The following GALNT18 variants were observed in gnomAD, a reference collection of about 807,000 sequenced individuals.
The protein encoded by GALNT18 is polypeptide N-acetylgalactosaminyltransferase 18.
GALNT18 carries 44 observed loss-of-function variants against 69.5 expected under a neutral mutation model. That is an observed-to-expected ratio of 0.63 (90% CI 0.50 to 0.81). GALNT18 has a LOEUF of 0.81. Among genes scored for constraint, GALNT18 ranks in the 40% least tolerant of loss-of-function variants. GALNT18 has a pLI of 0.00. For synonymous variants in GALNT18, 364 were observed against 318.2 expected, an observed-to-expected ratio of 1.14 and a Z score of -1.53; for missense variants, 715 against 810.0, an observed-to-expected ratio of 0.88 and a Z score of 1.42.
chr11:11,274,682 T>A (rs1295030216), intron 10 of GALNT18, among the ~76,000 whole-genome samples: 1 of 152,236 alleles, frequency 6.6e-6, no homozygotes. Context: ...GTATTTCTCC[T>A]AATGTTATTC....
rs116839664 is a variant in GALNT18 at position 11,430,138 on chromosome 11, A to G, written c.595+2483T>C. Among the ~76,000 whole-genome samples, 994 of 152,294 alleles carry G rather than the reference A, an allele frequency of 6.5e-3. 5 individuals are homozygous for G. The highest frequency in any genetic ancestry group is 0.02 in the African/African-American group (827 of 41,546). Reference sequence around the variant, plus strand: ...AGAGCAAGACCCTGTCTCAAAAAAAACCAAAATAAAAAAAAGAATGCTTTT... The same window carrying G: ...AGAGCAAGACCCTGTCTCAAAAAAAGCCAAAATAAAAAAAAGAATGCTTTT... On this transcript the variant is annotated intron_variant, in intron 3 of 10. Coordinates refer to ENST00000227756, the MANE Select transcript of GALNT18 (RefSeq NM_198516.3). This position sits in a 1 kb window ranked among gnomAD's most constrained non-coding sequence, Gnocchi z 4.9.
rs1485526013 is a variant in GALNT18 at position 11,463,100 on chromosome 11, C to T, written c.236-14164G>A. Among the ~76,000 whole-genome samples, 3 of 152,066 alleles carry T rather than the reference C, an allele frequency of 2.0e-5. No individual in the cohort carries two copies. Among genetic ancestry groups the T allele is most frequent in the Non-Finnish European group, 2.9e-5 (2 of 68,014 alleles). On this transcript the variant is annotated intron_variant, in intron 1 of 10. Transcript: ENST00000227756. This position sits in a 1 kb window ranked among gnomAD's most constrained non-coding sequence, Gnocchi z 4.2. ...GAGAGAGAGGATATCAATCACAAGA[C>T]CCTGGAACTATTAGTACAGTCTCCC...
At chr11:11,388,567 TTGCTGATTTCAGGC>T (rs1443186106) in intron 3 of GALNT18, among the ~76,000 whole-genome samples, 2 of 147,852 alleles carry the variant, frequency 1.4e-5, no homozygotes, top group Non-Finnish European at 3.0e-5. Flanking sequence ...GCTTCCACCA[TTGCTGATTTCAGGC>T]TACCAGCCTG....
Position 11,461,177 on chromosome 11 carries a change from C to T in GALNT18, c.236-12241G>A, listed in dbSNP as rs1331011474. ...TCTCCGTCAGAAAAATCCCACTCCA[C>T]TCCTGACGGGCTGGCACTGCTGGGT... is the stretch of plus-strand genomic sequence containing the variant. On this transcript the variant is annotated intron_variant, in intron 1 of 10. Coordinates refer to ENST00000227756, the MANE Select transcript of GALNT18 (RefSeq NM_198516.3). This position sits in a 1 kb window ranked among gnomAD's most constrained non-coding sequence, Gnocchi z 4.1. Among the ~76,000 whole-genome samples, 1 of 152,202 alleles carries T rather than the reference C, an allele frequency of 6.6e-6. No individual in the cohort carries two copies. The highest frequency in any genetic ancestry group is 1.5e-5 in the Non-Finnish European group (1 of 68,030).
chr11:11,416,499 A>G (rs1854860192), intron 3 of GALNT18, among the ~76,000 whole-genome samples: 1 of 152,206 alleles, frequency 6.6e-6, no homozygotes, highest in African/African-American at 2.4e-5. Context: ...GTAAACTCTG[A>G]GCCCCTACTT....
chr11:11,427,625 G>A (rs1429207662), intron 3 of GALNT18, among the ~76,000 whole-genome samples: 4 of 152,158 alleles, frequency 2.6e-5, no homozygotes, highest in African/African-American at 7.2e-5. Context: ...AATAGGGTTC[G>A]CAGAGGTTAA....
Position 11,347,389 on chromosome 11 carries a change from G to A in GALNT18, c.1093-6385C>T, listed in dbSNP as rs1231113434. Reference sequence around the variant, plus strand: ...AGTCTATGACAGGGATGGCAAATGAGTTTACACTCCTGTGTGAAATCCATT... The same window carrying A: ...AGTCTATGACAGGGATGGCAAATGAATTTACACTCCTGTGTGAAATCCATT... On this transcript the variant is annotated intron_variant, in intron 6 of 10. Transcript: ENST00000227756. The surrounding 1 kb of genome is among the most constrained non-coding windows in gnomAD (Gnocchi z 4.0). Among the ~76,000 whole-genome samples the A allele has an allele frequency of 3.3e-5, 5 of 152,194 alleles. No individual in the cohort carries two copies. Among genetic ancestry groups the A allele is most frequent in the African/African-American group, 1.2e-4 (5 of 41,450 alleles).
chr11:11,333,430 G>A (rs539193473), intron 7 of GALNT18, among the ~76,000 whole-genome samples: 1 of 152,176 alleles, frequency 6.6e-6, no homozygotes, highest in Admixed American at 6.5e-5. Flanking sequence ...CCTCCTTTAC[G>A]GATGATGAGT....
At position 11,463,331 on chromosome 11, in the gene GALNT18, G is replaced by T. The variant is rs1564962179; in HGVS notation, c.236-14395C>A. On this transcript the variant is annotated intron_variant, in intron 1 of 10. Transcript: ENST00000227756. The surrounding 1 kb of genome is among the most constrained non-coding windows in gnomAD (Gnocchi z 4.2). ...TGGTTGCTCACTGCTTATAGCAAGA[G>T]CATTAAAAATGTGTCATTTCAAAGA... Among the ~76,000 whole-genome samples the T allele has an allele frequency of 6.6e-6, 1 of 152,138 alleles. No individual in the cohort carries two copies. The highest frequency in any genetic ancestry group is 2.4e-5 in the African/African-American group (1 of 41,416).
At chr11:11,427,948 G>A (rs1407619271) in intron 3 of GALNT18, among the ~76,000 whole-genome samples, 2 of 152,148 alleles carry the variant, frequency 1.3e-5, no homozygotes, top group Non-Finnish European at 2.9e-5. Context: ...GAGACCCATG[G>A]CCAGAAAGCA....
intron 6 of GALNT18, among the ~76,000 whole-genome samples, chr11:11,359,523 T>C (rs950545335): frequency 2.6e-5 from 4 of 152,178 alleles, no homozygotes; most frequent in African/African-American, 9.7e-5. Context: ...TCCTCTCATT[T>C]AGTAATCCCC....
chr11:11,483,445 G>A (rs926428339), intron 1 of GALNT18, among the ~76,000 whole-genome samples: 2 of 152,232 alleles, frequency 1.3e-5, no homozygotes, highest in African/African-American at 2.4e-5. Context: ...TGCTGCCACA[G>A]ACACTTGAAA....
chr11:11,283,486 C>T (rs1216166123), intron 10 of GALNT18, among the ~76,000 whole-genome samples: 1 of 152,182 alleles, frequency 6.6e-6, no homozygotes, highest in Non-Finnish European at 1.5e-5. Flanking sequence ...GACTGACAGG[C>T]TAACCAGGTC....
chr11:11,516,474 A>G (rs1313911811), intron 1 of GALNT18, among the ~76,000 whole-genome samples: 1 of 152,130 alleles, frequency 6.6e-6, no homozygotes, highest in Non-Finnish European at 1.5e-5. Context: ...TCTACTAAAA[A>G]TGCAAAATTA....
intron 1 of GALNT18, among the ~76,000 whole-genome samples, chr11:11,548,353 C>A (rs1475042994): frequency 1.3e-5 from 2 of 152,206 alleles, no homozygotes; most frequent in Non-Finnish European, 2.9e-5. Context: ...AAGAGAGAGG[C>A]AGCCTCTGTC....
At chr11:11,305,784 C>T (rs186969504) in intron 9 of GALNT18, among the ~76,000 whole-genome samples, 110 of 152,296 alleles carry the variant, frequency 7.2e-4, no homozygotes, top group African/African-American at 2.3e-3. Context: ...AGGGCAGACA[C>T]CATGTTTGTC....
rs996227281 is a variant in GALNT18, at chr11:11,620,337, G to A, written c.235+1022C>T. Among the ~76,000 whole-genome samples the A allele has an allele frequency of 6.6e-6, 1 of 151,180 alleles. No homozygotes were observed. Among genetic ancestry groups the A allele is most frequent in the African/African-American group, 2.4e-5 (1 of 40,898 alleles). ...CGTGAGCGCGCGCGCGCGCGCGTGT[G>A]TGTGTGTGTGTGCACACCCGGCACC... On this transcript the variant is annotated intron_variant, in intron 1 of 10. Coordinates refer to ENST00000227756, the MANE Select transcript of GALNT18 (RefSeq NM_198516.3). This position sits in a 1 kb window ranked among gnomAD's most constrained non-coding sequence, Gnocchi z 6.9.
chr11:11,452,086 A>G (rs760066332), intron 1 of GALNT18, among the ~76,000 whole-genome samples: 5 of 152,194 alleles, frequency 3.3e-5, no homozygotes, highest in African/African-American at 4.8e-5. Flanking sequence ...AAAACAAAAA[A>G]AAGTGTGCCA....
rs534782524 is a variant in GALNT18 at position 11,518,826 on chromosome 11, CACA to C, written c.236-69893_236-69891del. The stretch of plus-strand genomic sequence containing the variant: ...CTGGACCCACCAGCTTCTCTAAGTA[CACA>C]ACAGAAAAAATAGGAAGAGGCCCCA... On this transcript the variant is annotated intron_variant, in intron 1 of 10. Coordinates refer to ENST00000227756, the MANE Select transcript of GALNT18 (RefSeq NM_198516.3). 2.0e-4 allele frequency among the ~76,000 whole-genome samples: 30 copies of C among 152,306 alleles called. No homozygotes were observed. The South Asian group carries it at 6.2e-3, about 32-fold the overall frequency.
Sources: allele counts gnomAD v4.1 joint callset (sites outside exome capture counted in the v4.1 genomes callset), GRCh38; gene constraint gnomAD v4.1.1; non-coding constraint Gnocchi (gnomAD v3.1); transcripts MANE v1.5; gene names NCBI Gene and HGNC (gene_info 2026-07-23, HGNC 2026-07-21).